Variants in LPAR3 observed in about 807,000 individuals in gnomAD.
LPAR3 encodes lysophosphatidic acid receptor 3, also known as LPA receptor 3.
A neutral mutation model predicts 17.8 loss-of-function variants in LPAR3; 7 were observed. The ratio of observed to expected loss-of-function variants is 0.39; its 90% confidence interval spans 0.22 to 0.74. The LOEUF (loss-of-function observed/expected upper bound fraction) is 0.74, where lower values mean the gene tolerates loss of function less well. Among genes scored for constraint, LPAR3 ranks in the 30% least tolerant of loss-of-function variants. LPAR3 has a pLI of 0.40. For synonymous variants in LPAR3, 179 were observed against 179.9 expected (o/e 0.99, Z 0.04); for missense variants, 391 against 453.4 (o/e 0.86, Z 1.25).
At chr1:84,868,052 G>A (rs920273527) in intron 1 of LPAR3, among the ~76,000 whole-genome samples, 1 of 152,116 alleles carries the variant, frequency 6.6e-6, no homozygotes, top group Non-Finnish European at 1.5e-5. Flanking sequence ...TTGAAGTAAA[G>A]GATATAAATC....
chr1:84,838,009 G>A (rs1033232364), intron 2 of LPAR3, among the ~76,000 whole-genome samples: 1 of 152,116 alleles, frequency 6.6e-6, no homozygotes, highest in Admixed American at 6.5e-5. Flanking sequence ...CTAGTATAAG[G>A]TGATGTGATT....
At chr1:84,890,677 T>A (rs924921633) in intron 1 of LPAR3, among the ~76,000 whole-genome samples, 11 of 152,224 alleles carry the variant, frequency 7.2e-5, no homozygotes, top group African/African-American at 2.4e-4. Context: ...CTGTTGGGTA[T>A]AATCACAGGC....
intron 2 of LPAR3, among the ~76,000 whole-genome samples, chr1:84,863,536 C>T (rs1379636258): frequency 6.6e-6 from 1 of 152,190 alleles, no homozygotes; most frequent in Non-Finnish European, 1.5e-5. Context: ...CCCTTACCTC[C>T]TGACCTCCTT....
At chr1:84,817,395 G>C (rs1244899236) in intron 2 of LPAR3, among the ~76,000 whole-genome samples, 1 of 152,080 alleles carries the variant, frequency 6.6e-6, no homozygotes, top group Non-Finnish European at 1.5e-5. Flanking sequence ...GTGTGGAGGT[G>C]CGTGGGGAGG....
At chr1:84,883,956 C>T (rs923627074) in intron 1 of LPAR3, among the ~76,000 whole-genome samples, 4 of 152,168 alleles carry the variant, frequency 2.6e-5, no homozygotes, top group African/African-American at 7.2e-5. Flanking sequence ...ATAATAGTTT[C>T]TTTTAAAATT....
At chr1:84,844,906 T>C (rs551960014) in intron 2 of LPAR3, among the ~76,000 whole-genome samples, 1 of 152,364 alleles carries the variant, frequency 6.6e-6, no homozygotes, top group African/African-American at 2.4e-5. Context: ...AAGAGAGAAC[T>C]AAGGGGGACT....
chr1:84,848,997 T>G (rs1022074953), intron 2 of LPAR3, among the ~76,000 whole-genome samples: 2 of 152,142 alleles, frequency 1.3e-5, no homozygotes, highest in African/African-American at 4.8e-5. Flanking sequence ...CAGGCCTAAC[T>G]GTAAGATGCC....
intron 2 of LPAR3, among the ~76,000 whole-genome samples, chr1:84,827,072 G>T (rs543116908): frequency 6.6e-6 from 1 of 152,074 alleles, no homozygotes; most frequent in African/African-American, 2.4e-5. Context: ...AAAATGCACC[G>T]CAATGCATTT....
chr1:84,857,328 T>C (rs922256396), intron 2 of LPAR3, among the ~76,000 whole-genome samples: 3 of 152,192 alleles, frequency 2.0e-5, no homozygotes, highest in Admixed American at 6.5e-5. Context: ...TATTAACTCA[T>C]TGAATCCTCA....
chr1:84,851,995 TG>T (rs1202874591), intron 2 of LPAR3, among the ~76,000 whole-genome samples: 4 of 151,778 alleles, frequency 2.6e-5, no homozygotes, highest in African/African-American at 9.7e-5. Flanking sequence ...CAGCAAGTCT[TG>T]GACTAAAGGC....
At chr1:84,846,198 A>G (rs1192298218) in intron 2 of LPAR3, among the ~76,000 whole-genome samples, 1 of 152,214 alleles carries the variant, frequency 6.6e-6, no homozygotes, top group Non-Finnish European at 1.5e-5. Flanking sequence ...TCTCATGTTA[A>G]AAAAAGCCAT....
At chr1:84,817,324 G>A (rs191217465) in intron 2 of LPAR3, among the ~76,000 whole-genome samples, 2 of 151,300 alleles carry the variant, frequency 1.3e-5, no homozygotes, top group Admixed American at 1.3e-4. Flanking sequence ...CCAGTTACCT[G>A]TTTGAATGTT....
intron 1 of LPAR3, among the ~76,000 whole-genome samples, chr1:84,869,440 G>C (rs148146683): frequency 0.011 from 1,708 of 152,174 alleles, 26 homozygotes; most frequent in African/African-American, 0.039. Flanking sequence ...CTTCGCATAG[G>C]AAATTGGTGA....
Position 84,873,762 on chromosome 1 carries a change from T to G in LPAR3, c.-18-7624A>C, listed in dbSNP as rs567746944. Among the ~76,000 whole-genome samples, 18 of 128,030 alleles carry G rather than the reference T, an allele frequency of 1.4e-4. 1 individual carries two copies. The highest frequency in any genetic ancestry group is 9.7e-4 in the East Asian group (5 of 5,162). The allele number at this position is 128,030 out of a possible 152,430, so 84.0% of individuals were successfully genotyped here. A position where few individuals can be genotyped will look rare whatever the true frequency, so the allele number is the denominator to read the frequency against. ...TTTTGTTTGTTTTGCTTGTTTGTTT[T>G]TTTTTTTTGAGACGAGTCTCTGCTC... On this transcript the variant is annotated intron_variant, in intron 1 of 2. Transcript: ENST00000370611.
intron 2 of LPAR3, among the ~76,000 whole-genome samples, chr1:84,851,489 G>A (rs957348209): frequency 4.6e-5 from 7 of 152,204 alleles, no homozygotes; most frequent in East Asian, 1.9e-4. Flanking sequence ...GCTCACAGTC[G>A]GGTAAGAGAG....
intron 2 of LPAR3, among the ~76,000 whole-genome samples, chr1:84,842,325 T>G (rs1425995647): frequency 6.6e-6 from 1 of 152,208 alleles, no homozygotes; most frequent in African/African-American, 2.4e-5. Flanking sequence ...CACTATCGGA[T>G]CAATCATTTG....
chr1:84,824,851 G>A (rs747310027), intron 2 of LPAR3, among the ~76,000 whole-genome samples: 3 of 152,164 alleles, frequency 2.0e-5, no homozygotes, highest in Non-Finnish European at 4.4e-5. Context: ...TATCCATCTG[G>A]CTGTCCTGCT....
At chr1:84,871,195 C>G (rs930815834) in intron 1 of LPAR3, among the ~76,000 whole-genome samples, 10 of 152,100 alleles carry the variant, frequency 6.6e-5, no homozygotes, top group African/African-American at 2.4e-4. Context: ...AGATGCTAAA[C>G]TTTGGAGCAA....
intron 1 of LPAR3, among the ~76,000 whole-genome samples, chr1:84,892,356 G>A (rs1355193142): frequency 2.0e-5 from 3 of 152,006 alleles, no homozygotes; most frequent in African/African-American, 7.3e-5. Flanking sequence ...CAAATTACAT[G>A]CGTGCGGAAT....
Sources: gnomAD v4.1 joint callset for allele counts (sites outside exome capture counted in the v4.1 genomes callset) on GRCh38, gnomAD v4.1.1 for gene constraint, MANE v1.5 for transcripts, NCBI Gene and HGNC (gene_info 2026-07-23, HGNC 2026-07-21) for gene names.